DAPK1: variants seen among roughly 807,000 people sequenced by gnomAD.
DAPK1 encodes the protein death-associated protein kinase 1.
In DAPK1, 56 loss-of-function variants were observed where a neutral mutation model predicts 144.9. That is an observed-to-expected ratio of 0.39 (90% CI 0.31 to 0.48). The LOEUF is 0.48. Ranked by LOEUF, DAPK1 falls within the 20% of genes least tolerant of loss-of-function variation. DAPK1 has a pLI of 0.95. For missense variants in DAPK1, 1,454 were observed against 1,875.4 expected (o/e 0.78, Z 4.15); for synonymous variants, 690 against 749.0 (o/e 0.92, Z 1.29).
chr9:87,571,476 A>ACACCCCAACACACAC lies in DAPK1; in HGVS notation c.63-33478_63-33477insCACCCCAACACACAC, dbSNP rs771023885. Among the ~76,000 whole-genome samples, 74 of 48,544 alleles carry ACACCCCAACACACAC rather than the reference A, an allele frequency of 1.5e-3. 6 individuals carry two copies. Among genetic ancestry groups the ACACCCCAACACACAC allele is most frequent in the Non-Finnish European group, 1.9e-3 (50 of 26,888 alleles). The allele number at this position is 48,544 out of a possible 152,430, so 31.8% of individuals were successfully genotyped here. A position where few individuals can be genotyped will look rare whatever the true frequency, so the allele number is the denominator to read the frequency against. On this transcript the variant is annotated intron_variant, in intron 2 of 25. Coordinates refer to ENST00000408954, the MANE Select transcript of DAPK1 (RefSeq NM_004938.4). The stretch of plus-strand genomic sequence containing the variant: ...ACACACACACACACACACACACACC[A>ACACCCCAACACACAC]ACACACACACACACACACCCCAACA...
At chr9:87,656,776 A>G (rs976874905) in intron 17 of DAPK1, among the ~76,000 whole-genome samples, 1 of 152,200 alleles carries the variant, frequency 6.6e-6, no homozygotes, top group Non-Finnish European at 1.5e-5. Context: ...TGTTAGGTGG[A>G]CAAAGCAAGG....
At chr9:87,595,511 G>T (rs767987095) in intron 2 of DAPK1, among the ~76,000 whole-genome samples, 1 of 152,122 alleles carries the variant, frequency 6.6e-6, no homozygotes, top group Non-Finnish European at 1.5e-5. Context: ...ATCCTCAGCC[G>T]CTCTGGTTTG....
chr9:87,634,861 A>G (rs1829835637), intron 3 of DAPK1, among the ~76,000 whole-genome samples: 2 of 152,100 alleles, frequency 1.3e-5, no homozygotes, highest in Admixed American at 6.5e-5. Flanking sequence ...TACCCACCCC[A>G]ACGCCAAAGA....
At chr9:87,684,720 G>A (rs184976623) in intron 20 of DAPK1, among the ~76,000 whole-genome samples, 1 of 152,082 alleles carries the variant, frequency 6.6e-6, no homozygotes, top group East Asian at 2.0e-4. Context: ...GAGCCTGCGG[G>A]AGGAATTCCC....
At chr9:87,677,963 C>G (rs1824460269) in intron 19 of DAPK1, among the ~76,000 whole-genome samples, 1 of 152,140 alleles carries the variant, frequency 6.6e-6, no homozygotes, top group South Asian at 2.1e-4. Flanking sequence ...GGTGCCACCC[C>G]CAATGAGTAA....
intron 18 of DAPK1, among the ~76,000 whole-genome samples, chr9:87,660,036 C>T (rs770249590): frequency 7.9e-5 from 12 of 152,172 alleles, no homozygotes; most frequent in Non-Finnish European, 1.3e-4. Context: ...GGGGGCGCCC[C>T]TGCGGGAGGC....
At chr9:87,576,693 G>A (rs1827574611) in intron 2 of DAPK1, among the ~76,000 whole-genome samples, 1 of 151,994 alleles carries the variant, frequency 6.6e-6, no homozygotes, top group South Asian at 2.1e-4. Context: ...AAGTAGCTGG[G>A]ATTACAGGCA....
chr9:87,501,746 G>A (rs1271773200), intron 2 of DAPK1, among the ~76,000 whole-genome samples: 1 of 152,166 alleles, frequency 6.6e-6, no homozygotes, highest in Non-Finnish European at 1.5e-5. Flanking sequence ...GTATTTGTGT[G>A]TACTGCCTAA....
At chr9:87,628,341 G>A (rs572532271) in intron 3 of DAPK1, among the ~76,000 whole-genome samples, 5 of 152,326 alleles carry the variant, frequency 3.3e-5, no homozygotes, top group African/African-American at 4.8e-5. Flanking sequence ...TAGGAACTTC[G>A]TTGATATGAT....
intron 3 of DAPK1, among the ~76,000 whole-genome samples, chr9:87,619,559 C>T (rs1222447459): frequency 6.6e-6 from 1 of 152,162 alleles, no homozygotes; most frequent in African/African-American, 2.4e-5. Context: ...CTGCCTTGCA[C>T]GTGACCTGCC....
At chr9:87,669,138 C>T (rs1831164045) in intron 19 of DAPK1, among the ~76,000 whole-genome samples, 1 of 152,152 alleles carries the variant, frequency 6.6e-6, no homozygotes, top group Non-Finnish European at 1.5e-5. Flanking sequence ...GGAGACTTCA[C>T]AATAGCCATA....
At chr9:87,552,599 C>T (rs2378752) in intron 2 of DAPK1, among the ~76,000 whole-genome samples, 63,319 of 150,078 alleles carry the variant, frequency 0.42, 13,702 homozygotes, top group African/African-American at 0.55. Context: ...AAATGTACCT[C>T]TTTTTTTTTG....
Position 87,686,574 on chromosome 9 carries a change from T to C in DAPK1, c.2248T>C (p.Tyr750His), listed in dbSNP as rs758813732. 28 of 1,575,270 alleles carry C rather than the reference T, an allele frequency of 1.8e-5. No individual in the cohort carries two copies. Among genetic ancestry groups the C allele is most frequent in the Non-Finnish European group, 2.3e-5 (27 of 1,158,092 alleles). The part of the protein sequence containing the change: ...PTVSVSINNL[Y>H]PGCENVSVRS... ...AGTCTCAGTGAGCATCAACAACCTGTACCCAGGCTGCGAGAACGTGAGTGT... is the reference window on the plus strand; with the variant it reads ...AGTCTCAGTGAGCATCAACAACCTGCACCCAGGCTGCGAGAACGTGAGTGT... Residue 750 changes from tyrosine (Y) to histidine (H), a missense_variant, in exon 21 of 26, where the codon TAC (tyrosine) becomes CAC (histidine). Around this residue, in one of 2 missense-constraint regions of DAPK1, gnomAD observed 1,025 missense variants for 1,237.9 expected, o/e 0.83. Transcript: ENST00000408954. The surrounding 1 kb of genome is among the most constrained non-coding windows in gnomAD (Gnocchi z 4.2).
intron 17 of DAPK1, among the ~76,000 whole-genome samples, chr9:87,656,313 T>C (rs2119204066): frequency 6.6e-6 from 1 of 152,194 alleles, no homozygotes; most frequent in South Asian, 2.1e-4. Flanking sequence ...AGACCTGGAA[T>C]TTAAGGCTAA....
intron 3 of DAPK1, among the ~76,000 whole-genome samples, chr9:87,616,813 C>T (rs555559187): frequency 1.3e-5 from 2 of 152,328 alleles, no homozygotes; most frequent in South Asian, 2.1e-4. Flanking sequence ...GCCAAATCCA[C>T]GGCCACATGG....
At chr9:87,653,768 G>A (rs371137215) in intron 17 of DAPK1, among the ~76,000 whole-genome samples, 2 of 151,564 alleles carry the variant, frequency 1.3e-5, no homozygotes, top group Admixed American at 6.6e-5. Flanking sequence ...ATCTTGGCTC[G>A]CTGCAACCTC....
intron 19 of DAPK1, among the ~76,000 whole-genome samples, chr9:87,669,886 T>TA (rs1339119173): frequency 6.6e-6 from 1 of 151,908 alleles, no homozygotes; most frequent in African/African-American, 2.4e-5. Context: ...AAATCATGGG[T>TA]GATTGATTTT....
rs1228652449 is a variant in DAPK1, at chr9:87,706,592, G to A, written c.3521G>A (p.Cys1174Tyr). ...DADIRLWVNG[C>Y]KLANRGAELL... ...GACATCCGCCTGTGGGTGAATGGCT[G>A]CAAGCTGGCCAACCGTGGGGCCGAG... is the stretch of plus-strand genomic sequence containing the variant. The change falls in exon 26 of 26, where the codon TGC (cysteine) becomes TAC (tyrosine). Residue 1174 changes from cysteine (C) to tyrosine (Y), a missense_variant. Coordinates refer to ENST00000408954, the MANE Select transcript of DAPK1 (RefSeq NM_004938.4). This position sits in a 1 kb window ranked among gnomAD's most constrained non-coding sequence, Gnocchi z 9.0. 2 of 1,613,514 alleles carry A rather than the reference G, an allele frequency of 1.2e-6. No homozygotes were observed. The highest frequency in any genetic ancestry group is 2.2e-5 in the East Asian group (1 of 44,882).
intron 2 of DAPK1, among the ~76,000 whole-genome samples, chr9:87,500,146 C>T (rs1416314076): frequency 2.0e-5 from 3 of 152,124 alleles, no homozygotes; most frequent in African/African-American, 7.2e-5. Flanking sequence ...TCCTGGATTG[C>T]CTAATGAGAA....
Sources: gnomAD v4.1 joint callset for allele counts (sites outside exome capture counted in the v4.1 genomes callset) on GRCh38, gnomAD v4.1.1 for gene constraint, gnomAD v4.1.1 regional missense constraint, Gnocchi (gnomAD v3.1) non-coding constraint, MANE v1.5 for transcripts, NCBI Gene and HGNC (gene_info 2026-07-23, HGNC 2026-07-21) for gene names.